Variants in GRK7 observed in about 807,000 individuals in gnomAD.
The protein encoded by GRK7 is rhodopsin kinase GRK7.
A neutral mutation model predicts 34.1 loss-of-function variants in GRK7; 24 were observed. The observed-to-expected ratio is 0.70, with a 90% CI of 0.51 to 0.99. The LOEUF (loss-of-function observed/expected upper bound fraction) is 0.99, where lower values mean the gene tolerates loss of function less well. GRK7 is among the 50% of genes least tolerant of loss of function. The pLI is 0.00. For missense variants in GRK7, 644 were observed against 707.3 expected (o/e 0.91, Z 1.02); for synonymous variants, 256 against 279.4 (o/e 0.92, Z 0.84).
intron 4 of GRK7, among the ~76,000 whole-genome samples, chr3:141,789,116 A>C (rs1465665876): frequency 6.6e-6 from 1 of 152,194 alleles, no homozygotes. Flanking sequence ...CACCTGGCCT[A>C]GGAGGAAAGA....
chr3:141,772,017 A>G (rs767300254), intron 1 of GRK7, among the ~76,000 whole-genome samples: 1 of 152,018 alleles, frequency 6.6e-6, no homozygotes, highest in Non-Finnish European at 1.5e-5. Context: ...CAACAACAAC[A>G]AAAGTTGTTG....
chr3:141,801,080 G>T (rs567671451), intron 4 of GRK7, among the ~76,000 whole-genome samples: 79 of 152,188 alleles, frequency 5.2e-4, no homozygotes, highest in Non-Finnish European at 8.5e-4. Flanking sequence ...GGAGGCCGAG[G>T]CGGGCGGATC....
At chr3:141,757,129 CTTTTTTTTTTTTTTTTTCTTT>C in the GRK7 span, among the ~76,000 whole-genome samples, 2 of 101,362 alleles carry the variant, frequency 2.0e-5, no homozygotes, top group Non-Finnish European at 1.9e-5. Context: ...AGATCTTCTT[CTTTTTTTTTTTTTTTTTCTTT>C]TTTTTTTTTT....
At chr3:141,773,630 G>A (rs1042744921) in intron 1 of GRK7, among the ~76,000 whole-genome samples, 3 of 152,108 alleles carry the variant, frequency 2.0e-5, no homozygotes, top group African/African-American at 7.2e-5. Flanking sequence ...TAGCCAGGAT[G>A]GTCTCGATCT....
intron 4 of GRK7, among the ~76,000 whole-genome samples, chr3:141,792,380 G>C (rs1269916854): frequency 1.3e-5 from 2 of 149,998 alleles, no homozygotes; most frequent in Non-Finnish European, 2.9e-5. Flanking sequence ...CTCCAACCTG[G>C]GCAACAGAGC....
the GRK7 span, among the ~76,000 whole-genome samples, chr3:141,750,016 C>CAAA: frequency 8.0e-6 from 1 of 124,726 alleles, no homozygotes; most frequent in Non-Finnish European, 1.7e-5. Flanking sequence ...GACTCCGTCT[C>CAAA]AAAAAAAAAA....
At chr3:141,776,238 G>C (rs1180241594) in intron 2 of GRK7, among the ~76,000 whole-genome samples, 1 of 151,956 alleles carries the variant, frequency 6.6e-6, no homozygotes, top group Non-Finnish European at 1.5e-5. Context: ...AGTGAGCCGA[G>C]ATCACGCCAC....
intron 3 of GRK7, among the ~76,000 whole-genome samples, chr3:141,779,408 T>TGAAA (rs2084659303): frequency 6.8e-5 from 1 of 14,680 alleles, no homozygotes; most frequent in South Asian, 1.9e-3. Context: ...AGAGCAAGAC[T>TGAAA]CAAAAAAAAA....
At chr3:141,801,866 A>G (rs1324805614) in intron 4 of GRK7, among the ~76,000 whole-genome samples, 3 of 152,174 alleles carry the variant, frequency 2.0e-5, no homozygotes, top group African/African-American at 4.8e-5. Context: ...TCTGTTTTGT[A>G]TATATTTGAA....
At chr3:141,798,162 C>T (rs1009656905) in intron 4 of GRK7, among the ~76,000 whole-genome samples, 27 of 152,170 alleles carry the variant, frequency 1.8e-4, no homozygotes, top group Admixed American at 1.6e-3. Context: ...TTAATCACAC[C>T]TTAAGGTGTC....
At chr3:141,774,350 A>G (rs993472441) in intron 1 of GRK7, among the ~76,000 whole-genome samples, 1 of 152,106 alleles carries the variant, frequency 6.6e-6, no homozygotes, top group Non-Finnish European at 1.5e-5. Flanking sequence ...TGAGCCCAGG[A>G]GGTTGAGGCT....
the GRK7 span, among the ~76,000 whole-genome samples, chr3:141,753,695 C>A: frequency 6.6e-6 from 1 of 152,190 alleles, no homozygotes; most frequent in Admixed American, 6.5e-5. Flanking sequence ...CTGGGGACCC[C>A]TGTTTTATTA....
chr3:141,754,902 A>G, the GRK7 span, among the ~76,000 whole-genome samples: 3 of 152,310 alleles, frequency 2.0e-5, no homozygotes, highest in Middle Eastern at 6.8e-3. Context: ...ATGCCAACTT[A>G]TAAAGCAAAG....
chr3:141,760,225 CT>C (rs2084549211), upstream of GRK7, among the ~76,000 whole-genome samples: 3 of 137,806 alleles, frequency 2.2e-5, no homozygotes, highest in Non-Finnish European at 4.7e-5. Context: ...AATTTTGGAT[CT>C]TTCCTGCTTT....
intron 4 of GRK7, among the ~76,000 whole-genome samples, chr3:141,781,761 T>C (rs934265732): frequency 1.3e-5 from 2 of 152,208 alleles, no homozygotes; most frequent in African/African-American, 4.8e-5. Context: ...TTGTTCAAAG[T>C]GACTTGCTTA....
chr3:141,780,837 G>A (rs1288357941), intron 4 of GRK7, 26 bp downstream of exon 4: 1 of 1,589,530 alleles, frequency 6.3e-7, no homozygotes, highest in South Asian at 1.1e-5. Context: ...CCTGCCCCAA[G>A]TGCGGGGCAC....
chr3:141,767,769 T>C (rs2084596350), intron 1 of GRK7, among the ~76,000 whole-genome samples: 1 of 152,182 alleles, frequency 6.6e-6, no homozygotes, highest in Non-Finnish European at 1.5e-5. Flanking sequence ...CTTTCTCCTT[T>C]GTGTGTCACA....
At position 141,768,526 on chromosome 3, in the gene GRK7, C is replaced by T. The variant is rs549491126; in HGVS notation, c.-215+2788C>T. Among the ~76,000 whole-genome samples the T allele has an allele frequency of 4.6e-5, 7 of 152,162 alleles. No individual in the cohort carries two copies. In the South Asian group the frequency reaches 1.2e-3, roughly 27 times the overall value. Reference sequence around the variant, plus strand: ...AACTCCTGACCTCAGGTGATCCACCCGCCTTGGCCTCCCAAAATGCTAGGA... The same window carrying T: ...AACTCCTGACCTCAGGTGATCCACCTGCCTTGGCCTCCCAAAATGCTAGGA... On this transcript the variant is annotated intron_variant, in intron 1 of 5. Coordinates refer to ENST00000682958, the MANE Select transcript of GRK7 (RefSeq NM_139209.3).
intron 4 of GRK7, among the ~76,000 whole-genome samples, chr3:141,784,887 G>A (rs1308266615): frequency 7.2e-5 from 11 of 152,134 alleles, no homozygotes; most frequent in Admixed American, 7.2e-4. Context: ...TCACAGGAGT[G>A]GAAATGGTAG....
Sources: allele counts gnomAD v4.1 joint callset (sites outside exome capture counted in the v4.1 genomes callset), GRCh38; gene constraint gnomAD v4.1.1; transcripts MANE v1.5; gene names NCBI Gene and HGNC (gene_info 2026-07-23, HGNC 2026-07-21).